WIPI2: variants seen among roughly 807,000 people sequenced by gnomAD.
The protein encoded by WIPI2 is WD repeat domain phosphoinositide-interacting protein 2.
Under a neutral mutation model 52.3 loss-of-function variants are expected in WIPI2, and 28 were observed. That is an observed-to-expected ratio of 0.54 (90% confidence interval 0.40 to 0.73). The LOEUF (loss-of-function observed/expected upper bound fraction) is 0.73. WIPI2 is among the 30% of genes least tolerant of loss of function. The pLI, the probability that WIPI2 is intolerant of heterozygous loss-of-function variation, is 0.00. For synonymous variants in WIPI2, 268 were observed against 245.0 expected (o/e 1.09, Z -0.88); for missense variants, 506 against 602.9 (o/e 0.84, Z 1.68).
chr7:5,196,586 C>A (rs1397037870), intron 2 of WIPI2, among the ~76,000 whole-genome samples: 1 of 151,876 alleles, frequency 6.6e-6, no homozygotes, highest in Non-Finnish European at 1.5e-5. Context: ...GTAGGGAGCA[C>A]AGCAGAGAAC....
chr7:5,229,480 T>A (rs1783613811), intron 11 of WIPI2, 128 bp from the exon 12 acceptor site: 2 of 1,163,118 alleles, frequency 1.7e-6, no homozygotes, highest in Admixed American at 5.8e-5. Flanking sequence ...TGCCACGGCG[T>A]GATGAATGCC....
At chr7:5,215,843 C>A (rs1782784785) in intron 4 of WIPI2, among the ~76,000 whole-genome samples, 1 of 152,220 alleles carries the variant, frequency 6.6e-6, no homozygotes, top group African/African-American at 2.4e-5. Context: ...TGTCTACATT[C>A]ATTTTCTTCC....
intron 2 of WIPI2, 84 bp from the exon 3 acceptor site, chr7:5,199,492 C>T: frequency 8.2e-7 from 1 of 1,224,496 alleles, no homozygotes. Flanking sequence ...TTGCTGGGAA[C>T]TCGCTGGGAA....
chr7:5,215,292 CAA>C (rs1345137947), intron 4 of WIPI2, among the ~76,000 whole-genome samples: 2 of 152,122 alleles, frequency 1.3e-5, no homozygotes, highest in Admixed American at 6.5e-5. Context: ...GCTTGGGCAA[CAA>C]GAGTGAGACT....
intron 2 of WIPI2, among the ~76,000 whole-genome samples, chr7:5,195,769 C>T (rs1012934563): frequency 2.0e-5 from 3 of 152,130 alleles, no homozygotes; most frequent in Admixed American, 6.6e-5. Context: ...AGGCCAGGCA[C>T]GGTGGTCACG....
intron 5 of WIPI2, 112 bp downstream of exon 5, chr7:5,216,771 T>TAATA: frequency 9.4e-7 from 1 of 1,066,830 alleles, no homozygotes; most frequent in Non-Finnish European, 1.4e-6. Flanking sequence ...AGACAGATTT[T>TAATA]AAAAGTATTG....
chr7:5,222,774 C>T (rs1783207918), intron 8 of WIPI2, 102 bp downstream of exon 8: 1 of 1,183,428 alleles, frequency 8.5e-7, no homozygotes, highest in East Asian at 2.4e-5. Flanking sequence ...GAGAATTCCA[C>T]ACGAGCATTT....
rs975684207 is a variant in WIPI2, at chr7:5,231,134, G to A, written c.*187G>A. ...GAGGAAATACATCATTTTCACTTCA[G>A]TGGCTTTTAAATCCTGCTTATGAAT... On this transcript the variant is annotated 3_prime_UTR_variant, in exon 13 of 13. Transcript: ENST00000288828. 2.3e-6 allele frequency: 1 copy of A among 433,694 alleles called. No homozygotes were observed. Among genetic ancestry groups the A allele is most frequent in the African/African-American group, 2.0e-5 (1 of 48,998 alleles). The allele number at this position is 433,694 out of a possible 1,614,324, so 26.9% of individuals were successfully genotyped here.
chr7:5,209,210 T>G (rs1782441036), intron 3 of WIPI2, among the ~76,000 whole-genome samples: 1 of 152,210 alleles, frequency 6.6e-6, no homozygotes, highest in African/African-American at 2.4e-5. Flanking sequence ...ATATATTAAA[T>G]AGTTGCTCCA....
chr7:5,199,854 C>T (rs748094625), intron 3 of WIPI2, among the ~76,000 whole-genome samples, 196 bp downstream of exon 3: 8 of 152,148 alleles, frequency 5.3e-5, no homozygotes, highest in Non-Finnish European at 1.0e-4. Context: ...TGTGCATTTG[C>T]CTACATAGGA....
Position 5,214,681 on chromosome 7 carries a change from C to G in WIPI2, c.358C>G (p.Leu120Val). 6.2e-7 allele frequency: 1 copy of G among 1,614,192 alleles called. No homozygotes were observed. The highest frequency in any genetic ancestry group is 8.5e-7 in the Non-Finnish European group (1 of 1,180,046). ...ICNYSYSNTILAVKLNRQRLI... is the reference protein window; with the variant it reads ...ICNYSYSNTIVAVKLNRQRLI... ...CAACTACAGCTACTCCAACACGATT[C>G]TGGCTGTGAAGCTCAACAGGCAGGT... Residue 120 changes from leucine to valine, a missense_variant, in exon 4 of 13, where the codon CTG becomes GTG. By Grantham distance (32) the Leu-to-Val change is conservative. Transcript: ENST00000288828.
At chr7:5,211,050 G>A (rs2115260429) in intron 3 of WIPI2, among the ~76,000 whole-genome samples, 1 of 152,310 alleles carries the variant, frequency 6.6e-6, no homozygotes, top group Non-Finnish European at 1.5e-5. Context: ...GCACAAAAGT[G>A]CAAAAAGCAG....
Position 5,232,290 on chromosome 7 carries a change from C to T in WIPI2, c.*1343C>T, listed in dbSNP as rs141600086. On this transcript the variant is annotated 3_prime_UTR_variant, in exon 13 of 13. Coordinates refer to ENST00000288828, the MANE Select transcript of WIPI2 (RefSeq NM_015610.4). The stretch of plus-strand genomic sequence containing the variant: ...TGTTTCCAGATGGTTGTCATGGTCA[C>T]GCTGGGCGAAGAGCTGGAGGGGAGT... The T allele has an allele frequency of 2.8e-4, 110 of 398,644 alleles. 1 individual carries two copies. In the South Asian group the frequency reaches 5.7e-3, roughly 21 times the overall value. 24.7% of individuals were successfully genotyped at this position (398,644 alleles called of 1,614,324 possible).
intron 3 of WIPI2, among the ~76,000 whole-genome samples, chr7:5,206,708 CT>C (rs1278668173): frequency 6.6e-6 from 1 of 152,120 alleles, no homozygotes; most frequent in Non-Finnish European, 1.5e-5. Context: ...AGATTCTTCC[CT>C]TGACATTTTA....
intron 3 of WIPI2, among the ~76,000 whole-genome samples, chr7:5,204,647 G>A (rs976315166): frequency 2.0e-5 from 3 of 152,058 alleles, no homozygotes; most frequent in Non-Finnish European, 2.9e-5. Context: ...ATGTCACTGC[G>A]AAGTGCATCC....
At position 5,227,506 on chromosome 7, in the gene WIPI2, C is replaced by G. The variant is rs1783495936; in HGVS notation, c.1013+162C>G. Among the ~76,000 whole-genome samples the G allele has an allele frequency of 6.6e-6, 1 of 152,220 alleles. No individual in the cohort carries two copies. Among genetic ancestry groups the G allele is most frequent in the Non-Finnish European group, 1.5e-5 (1 of 68,044 alleles). On this transcript the variant is annotated intron_variant, in intron 10 of 12. Transcript: ENST00000288828. The surrounding 1 kb of genome is among the most constrained non-coding windows in gnomAD (Gnocchi z 8.1). ...GGGATGGGAGGTCCCCTGGCAGGCA[C>G]TAGGCTTGCCGCTCTGTGCGGGGGT...
In WIPI2 at chr7:5,199,504, G is replaced by A. The variant is rs1187407654; in HGVS notation, c.129-72G>A. 5 of 1,376,068 alleles carry A rather than the reference G, an allele frequency of 3.6e-6. No individual in the cohort carries two copies. The Admixed American group carries it at 6.0e-5, about 16-fold the overall frequency. 85.2% of individuals were successfully genotyped at this position (1,376,068 alleles called of 1,614,324 possible). ...AACTTGCTGGGAACTCGCTGGGAACGTGGGAGCTGGTTTCTACATTGTCAC... is the reference window on the plus strand; with the variant it reads ...AACTTGCTGGGAACTCGCTGGGAACATGGGAGCTGGTTTCTACATTGTCAC... On this transcript the variant is annotated intron_variant, in intron 2 of 12. Transcript: ENST00000288828.
chr7:5,197,004 TAGG>T (rs973620543), intron 2 of WIPI2, among the ~76,000 whole-genome samples: 14 of 149,534 alleles, frequency 9.4e-5, no homozygotes, highest in Non-Finnish European at 1.0e-4. Context: ...CCCAGCTACT[TAGG>T]AGGCTGAGGC....
chr7:5,225,711 T>TA lies in WIPI2; in HGVS notation c.741-111dup, dbSNP rs1223881068. ...AAGGTGGCTAGAGGGGAATAAAACT[T>TA]ACCAGCAGGCCCAAGTGTGCCCGTG... On this transcript the variant is annotated intron_variant, in intron 8 of 12. Coordinates refer to ENST00000288828, the MANE Select transcript of WIPI2 (RefSeq NM_015610.4). 8.7e-6 allele frequency: 6 copies of TA among 690,152 alleles called. No homozygotes were observed. The African/African-American group carries it at 1.1e-4, about 12-fold the overall frequency. 42.8% of individuals were successfully genotyped at this position (690,152 alleles called of 1,614,324 possible). A position where few individuals can be genotyped will look rare whatever the true frequency, so the allele number is the denominator to read the frequency against.
Sources: allele counts gnomAD v4.1 joint callset (sites outside exome capture counted in the v4.1 genomes callset), GRCh38; gene constraint gnomAD v4.1.1; non-coding constraint Gnocchi (gnomAD v3.1); transcripts MANE v1.5; gene names NCBI Gene and HGNC (gene_info 2026-07-23, HGNC 2026-07-21).